ADAMTSL1: variants seen among roughly 807,000 people sequenced by gnomAD.
The protein encoded by ADAMTSL1 is ADAMTS-like protein 1.
ADAMTSL1 carries 126 observed loss-of-function variants against 201.8 expected under a neutral mutation model. That is an observed-to-expected ratio of 0.62 (90% CI 0.54 to 0.72). The LOEUF is 0.72. ADAMTSL1 is among the 30% of genes least tolerant of loss of function. The pLI is 0.00. For synonymous variants in ADAMTSL1, 1,121 were observed against 903.4 expected (o/e 1.24, Z -4.32); for missense variants, 2,679 against 2,277.8 (o/e 1.18, Z -3.59).
chr9:18,785,680 A>T (rs995112154), intron 19 of ADAMTSL1, among the ~76,000 whole-genome samples: 13 of 152,230 alleles, frequency 8.5e-5, no homozygotes, highest in African/African-American at 3.1e-4. Context: ...TTTTGGATAG[A>T]GTATAACACC....
At chr9:18,704,908 A>C (rs1294465107) in intron 13 of ADAMTSL1, among the ~76,000 whole-genome samples, 1 of 152,198 alleles carries the variant, frequency 6.6e-6, no homozygotes, top group African/African-American at 2.4e-5. Context: ...ACAAGGTTAT[A>C]TGGGGACCTT....
chr9:18,908,533 T>A lies in ADAMTSL1; in HGVS notation c.5274T>A (p.Thr1758=). The A allele has an allele frequency of 1.3e-6, 2 of 1,561,794 alleles. No individual in the cohort carries two copies. Among genetic ancestry groups the A allele is most frequent in the East Asian group, 2.4e-5 (1 of 41,642 alleles). ...AGTTTAAATCTCGCTGCTGTGGAAC[T>A]TGTGGCAAAGCGTGAAGATAGGGTG... ...LSQFKSRCCG[T]CGKA The change falls in exon 29 of 29, where the codon ACT becomes ACA. Residue 1758 remains threonine, a synonymous_variant. Coordinates refer to ENST00000380548, the MANE Select transcript of ADAMTSL1 (RefSeq NM_001040272.6).
At chr9:18,615,262 G>C (rs927700496) in intron 4 of ADAMTSL1, among the ~76,000 whole-genome samples, 2 of 152,170 alleles carry the variant, frequency 1.3e-5, no homozygotes, top group African/African-American at 2.4e-5. Flanking sequence ...GTGTAAAAGA[G>C]GGAATTTTGG....
chr9:18,164,957 C>G (rs969783715), intron 2 of ADAMTSL1, among the ~76,000 whole-genome samples: 26 of 151,944 alleles, frequency 1.7e-4, no homozygotes, highest in Non-Finnish European at 2.4e-4. Flanking sequence ...TCACATCTTT[C>G]TCAAAGCATA....
At chr9:18,480,590 G>T (rs1034451144) in intron 1 of ADAMTSL1, among the ~76,000 whole-genome samples, 2 of 152,190 alleles carry the variant, frequency 1.3e-5, no homozygotes, top group African/African-American at 4.8e-5. Flanking sequence ...TTTTGGGAAA[G>T]GTGTTGTTTG....
At chr9:18,672,035 T>C (rs960316513) in intron 9 of ADAMTSL1, among the ~76,000 whole-genome samples, 5 of 151,866 alleles carry the variant, frequency 3.3e-5, no homozygotes, top group Admixed American at 6.6e-5. Context: ...AGACTCCATC[T>C]CAAAAAAATT....
At chr9:18,858,015 G>C (rs1826972010) in intron 23 of ADAMTSL1, among the ~76,000 whole-genome samples, 2 of 150,624 alleles carry the variant, frequency 1.3e-5, no homozygotes, top group Non-Finnish European at 2.9e-5. Flanking sequence ...TAAGTTCATT[G>C]CTACTGATGT....
rs190138196 is a variant in ADAMTSL1, at chr9:18,291,073, A to G, written c.207+127092A>G. On this transcript the variant is annotated intron_variant, in intron 2 of 29. Coordinates refer to the ADAMTSL1 transcript ENST00000680146. ...TGGGATTACAGGCGTGAGCCACCGC[A>G]CCCGGGCCACTAAAGCTGACTTATG... is the stretch of plus-strand genomic sequence containing the variant. Among the ~76,000 whole-genome samples, 135 of 152,026 alleles carry G rather than the reference A, an allele frequency of 8.9e-4. 2 individuals are homozygous for G. The highest frequency in any genetic ancestry group is 3.2e-3 in the African/African-American group (131 of 41,474).
chr9:18,662,127 G>C (rs941527676), intron 9 of ADAMTSL1, 54 bp downstream of exon 9: 3 of 1,562,960 alleles, frequency 1.9e-6, no homozygotes, highest in Non-Finnish European at 2.6e-6. Context: ...GTTCCAAATA[G>C]GTTATTTAAA....
At chr9:18,445,119 C>T (rs1478120526) in intron 2 of ADAMTSL1, among the ~76,000 whole-genome samples, 1 of 152,114 alleles carries the variant, frequency 6.6e-6, no homozygotes. Flanking sequence ...TACACATTAA[C>T]TTACCTTGCT....
At chr9:18,769,118 G>T (rs1820534819) in intron 16 of ADAMTSL1, among the ~76,000 whole-genome samples, 1 of 152,144 alleles carries the variant, frequency 6.6e-6, no homozygotes, top group Non-Finnish European at 1.5e-5. Context: ...TGAGTAAGAA[G>T]GTGAAAGCTG....
intron 2 of ADAMTSL1, among the ~76,000 whole-genome samples, chr9:18,360,898 T>A (rs1836488814): frequency 6.6e-6 from 1 of 152,148 alleles, no homozygotes; most frequent in South Asian, 2.1e-4. Context: ...CAACCATTTT[T>A]AAGTTTCCCA....
intron 1 of ADAMTSL1, among the ~76,000 whole-genome samples, chr9:18,007,714 G>C (rs554537780): frequency 6.6e-6 from 1 of 152,036 alleles, no homozygotes; most frequent in South Asian, 2.1e-4. Flanking sequence ...GGGGGAAGCA[G>C]AGAAGAGTAT....
chr9:18,645,602 C>T (rs140192479), intron 7 of ADAMTSL1, among the ~76,000 whole-genome samples: 6,580 of 151,950 alleles, frequency 0.043, 195 homozygotes, highest in South Asian at 0.085. Context: ...CAGCTTTCTA[C>T]GTGTGGCTAG....
At position 18,456,208 on chromosome 9, in the gene ADAMTSL1, C is replaced by G. The variant is rs151092544; in HGVS notation, c.208-48621C>G. Among the ~76,000 whole-genome samples the G allele has an allele frequency of 9.2e-5, 14 of 152,264 alleles. No individual in the cohort carries two copies. In the East Asian group the frequency reaches 2.7e-3, roughly 29 times the overall value. Reference sequence around the variant, plus strand: ...GAACAGCTTTCAAGTTTTTCATACTCCTTTGAGTTTATTGAGGCTATAATT... The same window carrying G: ...GAACAGCTTTCAAGTTTTTCATACTGCTTTGAGTTTATTGAGGCTATAATT... On this transcript the variant is annotated intron_variant, in intron 2 of 29. Transcript: ENST00000680146.
chr9:18,834,922 G>A (rs2131286180), intron 23 of ADAMTSL1, among the ~76,000 whole-genome samples: 1 of 152,280 alleles, frequency 6.6e-6, no homozygotes, highest in South Asian at 2.1e-4. Flanking sequence ...AATCTGCTGT[G>A]AAATTCATGT....
intron 2 of ADAMTSL1, among the ~76,000 whole-genome samples, chr9:18,309,598 A>G (rs764614347): frequency 1.3e-5 from 2 of 152,146 alleles, no homozygotes; most frequent in Non-Finnish European, 2.9e-5. Context: ...TGCTACAAAG[A>G]GAATAAAATA....
At chr9:18,294,468 C>G (rs10810946) in intron 2 of ADAMTSL1, among the ~76,000 whole-genome samples, 63,460 of 152,090 alleles carry the variant, frequency 0.42, 14,756 homozygotes, top group South Asian at 0.62. Flanking sequence ...GCCCGTGTGA[C>G]TGTGTTTTCC....
At chr9:18,850,487 C>T (rs1451987391) in intron 23 of ADAMTSL1, among the ~76,000 whole-genome samples, 2 of 152,190 alleles carry the variant, frequency 1.3e-5, no homozygotes, top group Non-Finnish European at 2.9e-5. Flanking sequence ...AGGATTATGG[C>T]CTAAGGCCTT....
Sources: allele counts gnomAD v4.1 joint callset (sites outside exome capture counted in the v4.1 genomes callset), GRCh38; gene constraint gnomAD v4.1.1; transcripts MANE v1.5; gene names NCBI Gene and HGNC (gene_info 2026-07-23, HGNC 2026-07-21).